The following MARCHF1 variants were observed in gnomAD, a reference collection of about 807,000 sequenced individuals.
MARCHF1 encodes E3 ubiquitin-protein ligase MARCHF1.
MARCHF1 carries 40 observed loss-of-function variants against 54.2 expected under a neutral mutation model. The ratio of observed to expected loss-of-function variants is 0.74; its 90% CI spans 0.57 to 0.96. The LOEUF (loss-of-function observed/expected upper bound fraction) is 0.96. Among genes scored for constraint, MARCHF1 ranks in the 40% least tolerant of loss-of-function variants. The probability of loss-of-function intolerance (pLI) is 0.00; values close to 1 mark genes in which losing one functional copy is unlikely to be tolerated. For synonymous variants in MARCHF1, 236 were observed against 236.3 expected, an observed-to-expected ratio of 1.00 and a Z score of 0.01; for missense variants, 586 against 656.5, an observed-to-expected ratio of 0.89 and a Z score of 1.17.
intron 1 of MARCHF1, among the ~76,000 whole-genome samples, chr4:164,147,627 A>T (rs1430088532): frequency 6.3e-5 from 9 of 142,902 alleles, no homozygotes; most frequent in Admixed American, 2.9e-4. Context: ...AACAATGAGA[A>T]CACATGGACA....
At chr4:163,972,716 T>C (rs1020377314) in intron 3 of MARCHF1, among the ~76,000 whole-genome samples, 5 of 129,434 alleles carry the variant, frequency 3.9e-5, no homozygotes, top group African/African-American at 1.1e-4. Flanking sequence ...CCGGCTAATT[T>C]TTTTTTTTTT....
intron 3 of MARCHF1, among the ~76,000 whole-genome samples, chr4:163,976,118 G>GC (rs1752645629): frequency 1.3e-5 from 2 of 152,172 alleles, no homozygotes; most frequent in South Asian, 4.1e-4. Flanking sequence ...AGCAACAAGT[G>GC]CCCAGGTGGA....
Position 163,924,413 on chromosome 4 carries a change from T to C in MARCHF1, c.-39+64088A>G, listed in dbSNP as rs76428832. 3.3e-3 allele frequency among the ~76,000 whole-genome samples: 499 copies of C among 151,972 alleles called. 4 individuals are homozygous for C. Among genetic ancestry groups the C allele is most frequent in the African/African-American group, 0.011 (469 of 41,498 alleles). ...AATGTGGACAAAACACCTCAGAAAG[T>C]GTGGCATAATACATCAGGTTCATGG... is the stretch of plus-strand genomic sequence containing the variant. On this transcript the variant is annotated intron_variant, in intron 3 of 9. Transcript: ENST00000514618.
intron 5 of MARCHF1, among the ~76,000 whole-genome samples, chr4:163,633,011 C>T (rs376880991): frequency 1.6e-4 from 25 of 152,102 alleles, no homozygotes; most frequent in Non-Finnish European, 3.4e-4. Context: ...CTGCAGGGTA[C>T]TCCAACAGAC....
intron 5 of MARCHF1, among the ~76,000 whole-genome samples, chr4:163,616,588 A>C (rs1184581529): frequency 6.6e-6 from 1 of 152,052 alleles, no homozygotes; most frequent in Non-Finnish European, 1.5e-5. Context: ...TCTATTATCA[A>C]AAATATAGCA....
chr4:163,954,542 A>G (rs1752195332), intron 3 of MARCHF1, among the ~76,000 whole-genome samples: 1 of 152,196 alleles, frequency 6.6e-6, no homozygotes, highest in Non-Finnish European at 1.5e-5. Context: ...TCTTTCCTTT[A>G]TAGAATTTTC....
At chr4:163,575,687 T>A (rs773019156) in intron 8 of MARCHF1, among the ~76,000 whole-genome samples, 2 of 151,830 alleles carry the variant, frequency 1.3e-5, no homozygotes, top group African/African-American at 2.4e-5. Flanking sequence ...TGGGGCTTTT[T>A]AAATTTTTTT....
intron 5 of MARCHF1, among the ~76,000 whole-genome samples, chr4:163,646,089 T>C (rs1742749086): frequency 6.7e-6 from 1 of 149,686 alleles, no homozygotes; most frequent in South Asian, 2.1e-4. Context: ...CAATCAAACA[T>C]CAAAAGTTCT....
intron 2 of MARCHF1, among the ~76,000 whole-genome samples, chr4:164,003,348 T>C (rs1237817978): frequency 2.0e-5 from 3 of 152,020 alleles, no homozygotes; most frequent in Admixed American, 6.6e-5. Flanking sequence ...CTTACACTTA[T>C]ATTAAATGTA....
At chr4:163,616,942 A>G (rs1409216518) in intron 5 of MARCHF1, among the ~76,000 whole-genome samples, 1 of 152,146 alleles carries the variant, frequency 6.6e-6, no homozygotes, top group Non-Finnish European at 1.5e-5. Flanking sequence ...CCAGTTCGTC[A>G]AAGAGATATG....
chr4:164,079,980 A>G (rs1044616632), intron 2 of MARCHF1, among the ~76,000 whole-genome samples: 8 of 152,142 alleles, frequency 5.3e-5, no homozygotes, highest in Admixed American at 2.6e-4. Context: ...GTGTAATCCA[A>G]TTCCCTTGAT....
chr4:163,644,648 T>C (rs1311183972), intron 5 of MARCHF1, among the ~76,000 whole-genome samples: 1 of 152,162 alleles, frequency 6.6e-6, no homozygotes, highest in African/African-American at 2.4e-5. Flanking sequence ...TAGCCATCCA[T>C]GTTCCCACAG....
intron 8 of MARCHF1, among the ~76,000 whole-genome samples, chr4:163,566,518 A>G (rs1199699293): frequency 6.6e-6 from 1 of 152,198 alleles, no homozygotes; most frequent in Non-Finnish European, 1.5e-5. Context: ...TGACTATGAA[A>G]GCTAAGAACA....
At chr4:164,179,912 A>G (rs953136079) in intron 1 of MARCHF1, among the ~76,000 whole-genome samples, 35 of 150,298 alleles carry the variant, frequency 2.3e-4, no homozygotes, top group Admixed American at 2.2e-3. Flanking sequence ...GGAGAATTTG[A>G]ATACTGGCTA....
chr4:163,894,763 C>T lies in MARCHF1; in HGVS notation c.-38-40594G>A, dbSNP rs147066296. ...TATATGCATGTGATGCATATATATA[C>T]ATGCATGTGATGCATATATATACAT... On this transcript the variant is annotated intron_variant, in intron 3 of 9. Coordinates refer to ENST00000514618, the MANE Select transcript of MARCHF1 (RefSeq NM_001394959.1). Among the ~76,000 whole-genome samples, 60 of 32,744 alleles carry T rather than the reference C, an allele frequency of 1.8e-3. 1 individual carries two copies. The highest frequency in any genetic ancestry group is 4.8e-3 in the Admixed American group (17 of 3,550). The allele number at this position is 32,744 out of a possible 152,430, so 21.5% of individuals were successfully genotyped here. A position where few individuals can be genotyped will look rare whatever the true frequency, so the allele number is the denominator to read the frequency against.
chr4:163,717,429 C>A (rs1404016912), intron 4 of MARCHF1, among the ~76,000 whole-genome samples: 1 of 151,930 alleles, frequency 6.6e-6, no homozygotes, highest in African/African-American at 2.4e-5. Flanking sequence ...CAAGTCTTTG[C>A]TATTGTGAAT....
chr4:163,978,224 T>G (rs1752687079), intron 3 of MARCHF1, among the ~76,000 whole-genome samples: 2 of 152,316 alleles, frequency 1.3e-5, no homozygotes, highest in East Asian at 3.9e-4. Flanking sequence ...TTAGTCTTTT[T>G]ATTATCATTA....
chr4:163,931,119 A>G (rs971677840), intron 3 of MARCHF1, among the ~76,000 whole-genome samples: 1 of 152,166 alleles, frequency 6.6e-6, no homozygotes, highest in Non-Finnish European at 1.5e-5. Context: ...CACAGCAAGA[A>G]GGCTGATACG....
intron 1 of MARCHF1, among the ~76,000 whole-genome samples, chr4:164,149,963 A>G (rs1358548245): frequency 6.6e-6 from 1 of 152,176 alleles, no homozygotes; most frequent in Non-Finnish European, 1.5e-5. Context: ...TTTACTGATG[A>G]AAATCTCTTT....
Sources: gnomAD v4.1 joint callset for allele counts (sites outside exome capture counted in the v4.1 genomes callset) on GRCh38, gnomAD v4.1.1 for gene constraint, MANE v1.5 for transcripts, NCBI Gene and HGNC (gene_info 2026-07-23, HGNC 2026-07-21) for gene names.